Variants in KBTBD2 observed in about 807,000 individuals in gnomAD.
KBTBD2 encodes the protein kelch repeat and BTB domain containing 2.
Under a neutral mutation model 57.1 loss-of-function variants are expected in KBTBD2, and 17 were observed. That is an observed-to-expected ratio of 0.30 (90% CI 0.20 to 0.45). KBTBD2 has a LOEUF of 0.45. KBTBD2 is among the 20% of genes least tolerant of loss of function. The pLI is 1.00. For missense variants in KBTBD2, 515 were observed against 750.6 expected (o/e 0.69, Z 3.67); for synonymous variants, 267 against 262.7 (o/e 1.02, Z -0.16).
chr7:32,884,137 AG>A (rs1325462927), intron 1 of KBTBD2, among the ~76,000 whole-genome samples: 4 of 152,228 alleles, frequency 2.6e-5, no homozygotes, highest in African/African-American at 9.6e-5. Context: ...TGGATCACAC[AG>A]GAGGAAGGAA....
chr7:32,890,333 T>A (rs1249882019), intron 1 of KBTBD2, among the ~76,000 whole-genome samples: 1 of 152,144 alleles, frequency 6.6e-6, no homozygotes, highest in Non-Finnish European at 1.5e-5. Flanking sequence ...AAATTCCACA[T>A]CATCGAGATT....
At chr7:32,881,845 T>C (rs1190706806) in intron 1 of KBTBD2, among the ~76,000 whole-genome samples, 1 of 152,210 alleles carries the variant, frequency 6.6e-6, no homozygotes, top group African/African-American at 2.4e-5. Flanking sequence ...CCACAATCCC[T>C]TATTCAAAAC....
Position 32,880,321 on chromosome 7 carries a change from T to G in KBTBD2, c.-338-379A>C, listed in dbSNP as rs1347329512. On this transcript the variant is annotated intron_variant, in intron 1 of 3. Coordinates refer to ENST00000304056, the MANE Select transcript of KBTBD2 (RefSeq NM_015483.3). ...CATAATATTTAAGAAAAAATATTTT[T>G]TTAAAAAAACAAAAAACCTGCTCTC... 2.0e-5 allele frequency among the ~76,000 whole-genome samples: 3 copies of G among 152,222 alleles called. No individual in the cohort carries two copies. The East Asian group carries it at 5.8e-4, about 29-fold the overall frequency.
At chr7:32,875,292 G>T in intron 2 of KBTBD2, 135 bp from the exon 3 acceptor site, 1 of 758,384 alleles carries the variant, frequency 1.3e-6, no homozygotes, top group South Asian at 1.8e-5. Context: ...CTTTTTTTGA[G>T]ACAGGGTCTT....
chr7:32,890,484 A>C (rs533699653), intron 1 of KBTBD2, among the ~76,000 whole-genome samples: 41 of 152,306 alleles, frequency 2.7e-4, no homozygotes, highest in African/African-American at 9.9e-4. Flanking sequence ...ATTCGGCAAA[A>C]ATGTACAACT....
Position 32,870,617 on chromosome 7 carries a change from C to T in KBTBD2, c.600G>A (p.Leu200=), listed in dbSNP as rs1436387113. The change falls in exon 4 of 4, where the codon CTG becomes CTA. Residue 200 remains leucine (L), a synonymous_variant. Coordinates refer to ENST00000304056, the MANE Select transcript of KBTBD2 (RefSeq NM_015483.3). ...GTGATTCTGTGTTATACTCTAGCCACAGCATAGCAGCTTCTCGAACGGTTT... is the reference window on the plus strand; with the variant it reads ...GTGATTCTGTGTTATACTCTAGCCATAGCATAGCAGCTTCTCGAACGGTTT... The part of the protein sequence containing the change: ...KEETVREAAM[L]WLEYNTESRS... 6.2e-7 allele frequency: 1 copy of T among 1,614,158 alleles called. No homozygotes were observed. The highest frequency in any genetic ancestry group is 1.7e-5 in the Admixed American group (1 of 60,018).
At chr7:32,886,626 C>G (rs1784587867) in intron 1 of KBTBD2, among the ~76,000 whole-genome samples, 1 of 152,106 alleles carries the variant, frequency 6.6e-6, no homozygotes, top group Admixed American at 6.5e-5. Flanking sequence ...CCCACTGAAA[C>G]CAAGAGACAA....
rs759231238 is a variant in KBTBD2, at chr7:32,875,160, AC to A, written c.171-4del. 6 of 1,612,710 alleles carry A rather than the reference AC, an allele frequency of 3.7e-6. No individual in the cohort carries two copies. In the South Asian group the frequency reaches 6.6e-5, roughly 18 times the overall value. On this transcript the variant is annotated splice_region_variant and splice_polypyrimidine_tract_variant and intron_variant, in intron 2 of 3. Transcript: ENST00000304056. ...TTAGTCCACTCATAAACATGGCCCT[AC>A]AGGGGAGATGAAGAAAACAAAGTTG...
rs1360641209 is a variant in KBTBD2, at chr7:32,869,159, G to T, written c.*186C>A. ...GAATAATCTATTTCATATTATGGAA[G>T]CATATCTTTCTGTAAGACTCACTGA... On this transcript the variant is annotated 3_prime_UTR_variant, in exon 4 of 4. Coordinates refer to ENST00000304056, the MANE Select transcript of KBTBD2 (RefSeq NM_015483.3). 4 of 517,536 alleles carry T rather than the reference G, an allele frequency of 7.7e-6. No individual in the cohort carries two copies. The highest frequency in any genetic ancestry group is 1.4e-5 in the Non-Finnish European group (4 of 295,220). 32.1% of individuals were successfully genotyped at this position (517,536 alleles called of 1,614,324 possible). A position where few individuals can be genotyped will look rare whatever the true frequency, so the allele number is the denominator to read the frequency against.
chr7:32,884,968 ATG>A (rs200344166), intron 1 of KBTBD2, among the ~76,000 whole-genome samples: 2 of 134,514 alleles, frequency 1.5e-5, no homozygotes, highest in Non-Finnish European at 3.1e-5. Flanking sequence ...ATATGTGTGT[ATG>A]TGTGTGTATA....
intron 1 of KBTBD2, among the ~76,000 whole-genome samples, chr7:32,885,553 A>C (rs1477821551): frequency 6.6e-6 from 1 of 151,780 alleles, no homozygotes; most frequent in Non-Finnish European, 1.5e-5. Flanking sequence ...ATTCAAAAAC[A>C]CTTAAATTAC....
Position 32,869,348 on chromosome 7 carries a change from T to C in KBTBD2, c.1869A>G (p.Val623=), listed in dbSNP as rs977612737. 12 of 1,603,680 alleles carry C rather than the reference T, an allele frequency of 7.5e-6. No homozygotes were observed. The highest frequency in any genetic ancestry group is 1.0e-5 in the Non-Finnish European group (12 of 1,173,378). ...GTGCACTCCCTGAACTTCCCCACTA[T>C]ACAGGTGGTAGTGCAACCATTTCTC... The part of the protein sequence containing the change: ...LDGEMVALPP[V] Residue 623 remains valine (V), a synonymous_variant, in exon 4 of 4, where the codon GTA becomes GTG. Transcript: ENST00000304056.
chr7:32,870,366 G>A lies in KBTBD2; in HGVS notation c.851C>T (p.Ser284Phe). The A allele has an allele frequency of 1.2e-6, 2 of 1,613,390 alleles. No homozygotes were observed. Among genetic ancestry groups the A allele is most frequent in the Non-Finnish European group, 1.7e-6 (2 of 1,179,714 alleles). ...TGCTTGGGGGCTGTAACAGACAGAA[G>A]AGTAAAGACTACAAGGATTTTCTGA... ...ASSENPCSLY[S>F]SVCYSPQAEK... Residue 284 changes from serine to phenylalanine, a missense_variant, in exon 4 of 4, where the codon TCT becomes TTT. Coordinates refer to ENST00000304056, the MANE Select transcript of KBTBD2 (RefSeq NM_015483.3).
rs1045530 is a variant in KBTBD2 at position 32,868,523 on chromosome 7, C to G, written c.*822G>C. ...TTAAGATGTAATGACCTGGTTAACC[C>G]ACTCTAAATCTTGAAGATGGAGAAC... On this transcript the variant is annotated 3_prime_UTR_variant, in exon 4 of 4. Coordinates refer to ENST00000304056, the MANE Select transcript of KBTBD2 (RefSeq NM_015483.3). The G allele has an allele frequency of 0.28, 42,881 of 152,474 alleles. 7,491 individuals carry two copies. Among genetic ancestry groups the G allele is most frequent in the Non-Finnish European group, 0.38 (26,144 of 67,962 alleles). 9.4% of individuals were successfully genotyped at this position (152,474 alleles called of 1,614,324 possible).
intron 2 of KBTBD2, among the ~76,000 whole-genome samples, chr7:32,878,338 C>G (rs573618172): frequency 6.6e-6 from 1 of 151,876 alleles, no homozygotes; most frequent in East Asian, 2.0e-4. Context: ...CCCAGCACTT[C>G]GGGAGGCCAA....
At chr7:32,888,213 CCT>C (rs1491458017) in intron 1 of KBTBD2, among the ~76,000 whole-genome samples, 1 of 152,040 alleles carries the variant, frequency 6.6e-6, no homozygotes, top group Non-Finnish European at 1.5e-5. Context: ...GATAATTTTT[CCT>C]TTTTTTTTCC....
chr7:32,886,053 C>T (rs1583791084), intron 1 of KBTBD2, among the ~76,000 whole-genome samples: 1 of 152,140 alleles, frequency 6.6e-6, no homozygotes, highest in Admixed American at 6.5e-5. Flanking sequence ...GGATTACAGG[C>T]ACGCACCACC....
At position 32,870,213 on chromosome 7, in the gene KBTBD2, C is replaced by T; in HGVS notation, c.1004G>A (p.Ser335Asn). The T allele has an allele frequency of 6.2e-7, 1 of 1,614,170 alleles. No individual in the cohort carries two copies. The highest frequency in any genetic ancestry group is 8.5e-7 in the Non-Finnish European group (1 of 1,180,032). ...VPLKNTKTNHSKTSKLQTAFR... is the reference protein window; with the variant it reads ...VPLKNTKTNHNKTSKLQTAFR... ...GGCAGTCTGAAGTTTGCTTGTTTTACTGTGATTTGTTTTTGTGTTTTTCAG... is the reference window on the plus strand; with the variant it reads ...GGCAGTCTGAAGTTTGCTTGTTTTATTGTGATTTGTTTTTGTGTTTTTCAG... Residue 335 changes from serine to asparagine, a missense_variant, in exon 4 of 4, where the codon AGT becomes AAT. Physicochemically the swap from Ser to Asn is conservative, Grantham distance 46. Coordinates refer to ENST00000304056, the MANE Select transcript of KBTBD2 (RefSeq NM_015483.3).
At chr7:32,884,676 G>C (rs1784524586) in intron 1 of KBTBD2, among the ~76,000 whole-genome samples, 1 of 152,080 alleles carries the variant, frequency 6.6e-6, no homozygotes, top group South Asian at 2.1e-4. Context: ...GGCAACAAGA[G>C]AGAGACTCAG....
Sources: allele counts gnomAD v4.1 joint callset (sites outside exome capture counted in the v4.1 genomes callset), GRCh38; gene constraint gnomAD v4.1.1; transcripts MANE v1.5; gene names NCBI Gene and HGNC (gene_info 2026-07-23, HGNC 2026-07-21).